The following C5orf47 variants were observed in gnomAD, a reference collection of about 807,000 sequenced individuals.
C5orf47 encodes uncharacterized protein C5orf47.
In C5orf47, 20 loss-of-function variants were observed where a neutral mutation model predicts 20.6. The ratio of observed to expected loss-of-function variants is 0.97; its 90% CI spans 0.68 to 1.41. The LOEUF is 1.41. Ranked by LOEUF, C5orf47 falls within the 40% of genes most tolerant of loss-of-function variation. The probability of loss-of-function intolerance (pLI) is 0.00; values close to 1 mark genes in which losing one functional copy is unlikely to be tolerated. For missense variants in C5orf47, 262 were observed against 238.4 expected (o/e 1.10, Z -0.65); for synonymous variants, 106 against 97.3 (o/e 1.09, Z -0.53).
At chr5:174,002,433 T>A (rs1163585165) in intron 4 of C5orf47, among the ~76,000 whole-genome samples, 1 of 152,192 alleles carries the variant, frequency 6.6e-6, no homozygotes. Context: ...GGATTTGTAC[T>A]TCATTCAGTA....
chr5:174,003,067 ATGT>A (rs1170561537), intron 4 of C5orf47, among the ~76,000 whole-genome samples: 2 of 152,252 alleles, frequency 1.3e-5, no homozygotes, highest in East Asian at 3.9e-4. Context: ...CTTATTGATG[ATGT>A]TAACTTTGAG....
chr5:173,999,672 A>G, intron 2 of C5orf47, 28 bp from the exon 3 acceptor site: 1 of 1,128,090 alleles, frequency 8.9e-7, no homozygotes, highest in Admixed American at 2.7e-5. Flanking sequence ...TCTGCTCAGC[A>G]TTCCTTTACT....
chr5:173,999,790 T>G lies in C5orf47; in HGVS notation c.502T>G (p.Ser168Ala). ...YRHRLKCQRL[S>A]SESSNYTR ...ACACAGGCTGAAATGCCAAAGGTTATCTAGTGAAAGTAAGTTAACACAATT... is the reference window on the plus strand; with the variant it reads ...ACACAGGCTGAAATGCCAAAGGTTAGCTAGTGAAAGTAAGTTAACACAATT... The change falls in exon 3 of 5, where the codon TCT becomes GCT. Residue 168 changes from serine (S) to alanine (A), a missense_variant. Ser to Ala is a moderately conservative substitution (Grantham distance 99). Coordinates refer to ENST00000340147, the MANE Select transcript of C5orf47 (RefSeq NM_001144954.2). 6.6e-7 allele frequency: 1 copy of G among 1,518,128 alleles called. No individual in the cohort carries two copies. The highest frequency in any genetic ancestry group is 2.5e-5 in the East Asian group (1 of 40,712). The allele number at this position is 1,518,128 out of a possible 1,614,324, so 94.0% of individuals were successfully genotyped here.
At chr5:173,989,716 G>A (rs1038725099) in intron 1 of C5orf47, 128 bp downstream of exon 1, 8 of 862,376 alleles carry the variant, frequency 9.3e-6, no homozygotes, top group Admixed American at 8.4e-5. Context: ...GCCGTGTTGC[G>A]AGCACGCGCA....
At chr5:174,000,730 A>G (rs1027632904) in intron 3 of C5orf47, among the ~76,000 whole-genome samples, 4 of 152,156 alleles carry the variant, frequency 2.6e-5, no homozygotes, top group Non-Finnish European at 4.4e-5. Flanking sequence ...CAATAATGGC[A>G]TATTAGTGAT....
chr5:173,992,749 C>T (rs991078381), intron 1 of C5orf47, among the ~76,000 whole-genome samples: 1 of 152,096 alleles, frequency 6.6e-6, no homozygotes, highest in Non-Finnish European at 1.5e-5. Flanking sequence ...GTTTTCAGCG[C>T]ATTTCTAATT....
chr5:173,998,181 GTA>G lies in C5orf47; in HGVS notation c.356_357del (p.Tyr119Ter). ...GLIQKDAAKK[Y>X]DFPIPLNEAS... is the part of the protein sequence containing the mutation. The stretch of plus-strand genomic sequence containing the variant: ...TAATCCAGAAGGATGCAGCTAAAAA[GTA>G]TGATTTTCCCATACCATTGAATGAA... On this transcript the variant is annotated frameshift_variant, in exon 2 of 5. Coordinates refer to ENST00000340147, the MANE Select transcript of C5orf47 (RefSeq NM_001144954.2). LOFTEE classifies it high-confidence loss of function. 1 of 1,543,450 alleles carries G rather than the reference GTA, an allele frequency of 6.5e-7. No individual in the cohort carries two copies. The highest frequency in any genetic ancestry group is 1.7e-4 in the Middle Eastern group (1 of 5,820).
intron 1 of C5orf47, among the ~76,000 whole-genome samples, chr5:173,994,104 G>C (rs185880070): frequency 6.6e-6 from 1 of 152,306 alleles, no homozygotes; most frequent in Non-Finnish European, 1.5e-5. Flanking sequence ...GAATGTGGTG[G>C]ATGAGGCAAA....
At position 173,999,780 on chromosome 5, in the gene C5orf47, C is replaced by T; in HGVS notation, c.492C>T (p.Cys164=). The change falls in exon 3 of 5, where the codon TGC becomes TGT. Residue 164 remains cysteine (C), a synonymous_variant. Transcript: ENST00000340147. ...AAAAATATAGACACAGGCTGAAATGCCAAAGGTTATCTAGTGAAAGTAAGT... is the reference window on the plus strand; with the variant it reads ...AAAAATATAGACACAGGCTGAAATGTCAAAGGTTATCTAGTGAAAGTAAGT... ...ENEKYRHRLK[C]QRLSSESSNY... 6.5e-7 allele frequency: 1 copy of T among 1,530,316 alleles called. No homozygotes were observed. Among genetic ancestry groups the T allele is most frequent in the Non-Finnish European group, 8.8e-7 (1 of 1,132,308 alleles). The allele number at this position is 1,530,316 out of a possible 1,614,324, so 94.8% of individuals were successfully genotyped here. A position where few individuals can be genotyped will look rare whatever the true frequency, so the allele number is the denominator to read the frequency against.
At chr5:173,997,139 C>T (rs1759112985) in intron 1 of C5orf47, among the ~76,000 whole-genome samples, 1 of 152,102 alleles carries the variant, frequency 6.6e-6, no homozygotes, top group African/African-American at 2.4e-5. Context: ...CTCAAGTAAA[C>T]AGTGTGATAA....
At chr5:174,001,272 T>G in intron 4 of C5orf47, 41 bp downstream of exon 4, 1 of 1,112,256 alleles carries the variant, frequency 9.0e-7, no homozygotes, top group East Asian at 2.6e-5. Context: ...ATATAGATTT[T>G]ATTCCCTTCC....
chr5:173,991,029 C>T (rs1413479763), intron 1 of C5orf47, among the ~76,000 whole-genome samples: 1 of 152,168 alleles, frequency 6.6e-6, no homozygotes, highest in African/African-American at 2.4e-5. Context: ...TCCCTATTTG[C>T]CCTCCTTTAC....
downstream of C5orf47, among the ~76,000 whole-genome samples, chr5:174,006,579 A>G (rs769830113): frequency 6.6e-6 from 1 of 152,216 alleles, no homozygotes; most frequent in Non-Finnish European, 1.5e-5. Context: ...AAATTTGGGA[A>G]AAGTCTTGGG....
At chr5:173,992,323 G>A (rs1415307942) in intron 1 of C5orf47, among the ~76,000 whole-genome samples, 2 of 151,808 alleles carry the variant, frequency 1.3e-5, no homozygotes, top group Admixed American at 1.3e-4. Context: ...TGAGACGGGA[G>A]GATTGCTTAA....
chr5:174,006,717 C>G (rs1759298389), downstream of C5orf47, among the ~76,000 whole-genome samples: 1 of 152,062 alleles, frequency 6.6e-6, no homozygotes, highest in Non-Finnish European at 1.5e-5. Context: ...ACTAGTGCAG[C>G]ATTTTATTTT....
chr5:174,008,353 T>A (rs1318298480), downstream of C5orf47, among the ~76,000 whole-genome samples: 3 of 152,230 alleles, frequency 2.0e-5, no homozygotes, highest in African/African-American at 7.2e-5. Flanking sequence ...CTGCAGTAGT[T>A]CCAGGCTGTG....
At chr5:173,990,653 A>G (rs1758977102) in intron 1 of C5orf47, among the ~76,000 whole-genome samples, 1 of 151,824 alleles carries the variant, frequency 6.6e-6, no homozygotes. Flanking sequence ...GACCAGGTTG[A>G]TCTCGAAATC....
chr5:173,994,899 T>C (rs2113362857), intron 1 of C5orf47, among the ~76,000 whole-genome samples: 2 of 151,608 alleles, frequency 1.3e-5, no homozygotes, highest in South Asian at 2.1e-4. Flanking sequence ...CTGCAACCTC[T>C]GCCTCCCAGG....
At chr5:174,001,609 A>T (rs1759198137) in intron 4 of C5orf47, among the ~76,000 whole-genome samples, 1 of 152,062 alleles carries the variant, frequency 6.6e-6, no homozygotes, top group Non-Finnish European at 1.5e-5. Context: ...ATATACTGTC[A>T]TATTTAATGC....
Sources: gnomAD v4.1 joint callset for allele counts (sites outside exome capture counted in the v4.1 genomes callset) on GRCh38, gnomAD v4.1.1 for gene constraint, MANE v1.5 for transcripts, NCBI Gene and HGNC (gene_info 2026-07-23, HGNC 2026-07-21) for gene names.